RNF212: variants seen among roughly 807,000 people sequenced by gnomAD.
The protein encoded by RNF212 is ring finger protein 212.
In RNF212, 33 loss-of-function variants were observed where a neutral mutation model predicts 34.7. That is an observed-to-expected ratio of 0.95 (90% confidence interval 0.72 to 1.27). The LOEUF is 1.27. Among genes scored for constraint, RNF212 ranks in the 50% most tolerant of loss-of-function variants. The probability of loss-of-function intolerance (pLI) is 0.00; values close to 1 mark genes in which losing one functional copy is unlikely to be tolerated. For synonymous variants in RNF212, 140 were observed against 136.1 expected, an observed-to-expected ratio of 1.03 and a Z score of -0.20; for missense variants, 377 against 362.2, an observed-to-expected ratio of 1.04 and a Z score of -0.33.
chr4:1,079,798 T>A, intron 7 of RNF212, 110 bp from the exon 8 acceptor site: 1 of 803,456 alleles, frequency 1.2e-6, no homozygotes, highest in Non-Finnish European at 2.2e-6. Flanking sequence ...AATCTTCCTC[T>A]AGCTTCATGC....
chr4:1,098,547 G>A (rs888320838), intron 2 of RNF212, among the ~76,000 whole-genome samples: 32 of 152,158 alleles, frequency 2.1e-4, no homozygotes, highest in African/African-American at 7.2e-4. Flanking sequence ...TGGCTCGGAT[G>A]GGGTAGGAGC....
chr4:1,058,726 C>T (rs992837225), intron 3 of RNF212, among the ~76,000 whole-genome samples: 8 of 152,232 alleles, frequency 5.3e-5, no homozygotes, highest in Non-Finnish European at 1.0e-4. Flanking sequence ...GACCTGGAAA[C>T]GAACTGGCCA....
chr4:1,111,220 A>G (rs968470951), intron 1 of RNF212, among the ~76,000 whole-genome samples: 3 of 152,078 alleles, frequency 2.0e-5, no homozygotes, highest in African/African-American at 7.2e-5. Flanking sequence ...ACCTCCTTCA[A>G]CAAATGCTCT....
chr4:1,096,854 A>C lies in RNF212; in HGVS notation c.172-15T>G, dbSNP rs1479436256. The C allele has an allele frequency of 6.4e-7, 1 of 1,573,656 alleles. No homozygotes were observed. The highest frequency in any genetic ancestry group is 2.2e-5 in the East Asian group (1 of 44,726). ...TCTGCGTCGGTCTGAAAGAGAAAGA[A>C]ATGACTCTACATTTATTGTGTCTAA... On this transcript the variant is annotated splice_polypyrimidine_tract_variant and intron_variant, in intron 2 of 9. Coordinates refer to ENST00000433731, the MANE Select transcript of RNF212 (RefSeq NM_001131034.4).
At chr4:1,085,857 T>G (rs534964140) in intron 5 of RNF212, 39 bp downstream of exon 5, 1 of 1,441,742 alleles carries the variant, frequency 6.9e-7, no homozygotes, top group African/African-American at 1.4e-5. Context: ...TGGCAGTGGG[T>G]GCCTCGACTG....
At chr4:1,109,390 C>A (rs1263804383) in intron 1 of RNF212, among the ~76,000 whole-genome samples, 1 of 152,146 alleles carries the variant, frequency 6.6e-6, no homozygotes, top group African/African-American at 2.4e-5. Context: ...TCTCACTAGT[C>A]AACTTGGAGC....
intron 3 of RNF212, chr4:1,093,320 GTATT>G (rs1162236502): frequency 5.1e-6 from 5 of 986,168 alleles, no homozygotes; most frequent in Non-Finnish European, 6.9e-6. Context: ...AAATCTAAAA[GTATT>G]TATTAATTCA....
intron 4 of RNF212, chr4:1,057,041 G>A (rs1009625425): frequency 1.8e-5 from 17 of 963,794 alleles, no homozygotes; most frequent in Non-Finnish European, 1.9e-5. Flanking sequence ...ATGAATGCTC[G>A]GAGCATCTCT....
At chr4:1,090,728 A>G (rs1188146406) in intron 4 of RNF212, 54 bp downstream of exon 4, 1 of 958,536 alleles carries the variant, frequency 1.0e-6, no homozygotes, top group Non-Finnish European at 1.7e-6. Flanking sequence ...CAAGTCTGAC[A>G]TTTAAATCTA....
At position 1,100,398 on chromosome 4, in the gene RNF212, A is replaced by AT. The variant is rs58088919; in HGVS notation, c.172-3560dup. The AT allele has an allele frequency of 1.5e-3, 129 of 84,388 alleles. 11 individuals carry two copies. The highest frequency in any genetic ancestry group is 6.4e-3 in the African/African-American group (119 of 18,738). 5.2% of individuals were successfully genotyped at this position (84,388 alleles called of 1,614,324 possible). On this transcript the variant is annotated intron_variant, in intron 2 of 9. Transcript: ENST00000433731. ...TACATTTCCACAGGCATTTTCCATAATTTTTTTTTTTTTTTTTTTTTTTTT... is the reference window on the plus strand; with the variant it reads ...TACATTTCCACAGGCATTTTCCATAATTTTTTTTTTTTTTTTTTTTTTTTTT...
chr4:1,113,567 C>G, upstream of RNF212: 4 of 903,136 alleles, frequency 4.4e-6, no homozygotes, highest in Non-Finnish European at 6.4e-6. Context: ...AGCTCTGCGC[C>G]TGCGCAAAGT....
At chr4:1,065,933 G>A (rs971970326) in intron 3 of RNF212, among the ~76,000 whole-genome samples, 1 of 145,386 alleles carries the variant, frequency 6.9e-6, no homozygotes, top group African/African-American at 2.4e-5. Context: ...CTGGAGTGCA[G>A]TGATGCAATC....
chr4:1,084,096 G>C lies in RNF212; in HGVS notation c.362+1800C>G, dbSNP rs534063901. On this transcript the variant is annotated intron_variant, in intron 5 of 9. Transcript: ENST00000433731. ...CCTGAATAGCTGGGATTACAGGTGTGCACCAACACATCTGGCTAATTGTGT... is the reference window on the plus strand; with the variant it reads ...CCTGAATAGCTGGGATTACAGGTGTCCACCAACACATCTGGCTAATTGTGT... 1.8e-3 allele frequency among the ~76,000 whole-genome samples: 268 copies of C among 152,198 alleles called. 1 individual carries two copies. Among genetic ancestry groups the C allele is most frequent in the African/African-American group, 6.1e-3 (254 of 41,530 alleles).
intron 2 of RNF212, among the ~76,000 whole-genome samples, chr4:1,102,709 G>A (rs929051578): frequency 8.7e-5 from 12 of 137,772 alleles, no homozygotes; most frequent in Admixed American, 5.3e-4. Context: ...AAAATTAGCC[G>A]GGCGTGGTGG....
intron 4 of RNF212, chr4:1,056,760 AC>A (rs1434234756): frequency 1.2e-6 from 1 of 820,018 alleles, no homozygotes; most frequent in African/African-American, 1.9e-5. Context: ...TGCCCTTGGC[AC>A]ACACTCAGTT....
chr4:1,082,543 T>G lies in RNF212; in HGVS notation c.363-924A>C, dbSNP rs371965986. Among the ~76,000 whole-genome samples, 8 of 152,200 alleles carry G rather than the reference T, an allele frequency of 5.3e-5. No individual in the cohort carries two copies. The South Asian group carries it at 1.4e-3, about 28-fold the overall frequency. On this transcript the variant is annotated intron_variant, in intron 5 of 9. Coordinates refer to ENST00000433731, the MANE Select transcript of RNF212 (RefSeq NM_001131034.4). Reference sequence around the variant, plus strand: ...GACCAAGCCAGCTAGGAATAGGCAGTTGCACAACAGCTCAACCACTGGGGC... The same window carrying G: ...GACCAAGCCAGCTAGGAATAGGCAGGTGCACAACAGCTCAACCACTGGGGC...
chr4:1,090,180 G>T (rs1284805323), intron 4 of RNF212, among the ~76,000 whole-genome samples: 1 of 150,992 alleles, frequency 6.6e-6, no homozygotes, highest in Non-Finnish European at 1.5e-5. Context: ...AGAGATGGGG[G>T]TGACAGGACA....
At chr4:1,065,690 C>T (rs1205281386) in intron 3 of RNF212, among the ~76,000 whole-genome samples, 8 of 151,980 alleles carry the variant, frequency 5.3e-5, no homozygotes, top group Non-Finnish European at 1.0e-4. Context: ...GGCTCAGCTC[C>T]ACCTCGGCCT....
intron 8 of RNF212, 28 bp downstream of exon 8, chr4:1,079,615 A>G: frequency 6.6e-7 from 1 of 1,513,426 alleles, no homozygotes; most frequent in Non-Finnish European, 9.2e-7. Context: ...TGGTATACAG[A>G]GGAACTCAGC....
Sources: gnomAD v4.1 joint callset for allele counts (sites outside exome capture counted in the v4.1 genomes callset) on GRCh38, gnomAD v4.1.1 for gene constraint, MANE v1.5 for transcripts, NCBI Gene and HGNC (gene_info 2026-07-23, HGNC 2026-07-21) for gene names.